Variants in COQ8A observed in about 807,000 individuals in gnomAD.
COQ8A encodes the protein coenzyme Q8A.
Under a neutral mutation model 65.0 loss-of-function variants are expected in COQ8A, and 51 were observed. The observed-to-expected ratio is 0.78, with a 90% CI of 0.63 to 0.99. The LOEUF (loss-of-function observed/expected upper bound fraction) is 0.99, where lower values mean the gene tolerates loss of function less well. Ranked by LOEUF, COQ8A falls within the 50% of genes least tolerant of loss-of-function variation. The pLI is 0.00. For missense variants in COQ8A, 940 were observed against 875.0 expected (o/e 1.07, Z -0.94); for synonymous variants, 371 against 353.2 (o/e 1.05, Z -0.57).
At chr1:226,979,843 C>G (rs759435974) in intron 5 of COQ8A, among the ~76,000 whole-genome samples, 10 of 152,186 alleles carry the variant, frequency 6.6e-5, no homozygotes, top group African/African-American at 2.4e-4. Context: ...CTGACACTCT[C>G]TGGGAAATGA....
At chr1:226,978,253 AC>A (rs764638151) in intron 5 of COQ8A, among the ~76,000 whole-genome samples, 1 of 97,168 alleles carries the variant, frequency 1.0e-5, no homozygotes, top group Non-Finnish European at 2.4e-5. Flanking sequence ...ACCTGCTTAC[AC>A]AGCCTCCGCA....
rs1427117019 is a variant in COQ8A, at chr1:226,977,444, T to C, written c.656-5T>C. The stretch of plus-strand genomic sequence containing the variant: ...CACTGAGTGCCCGCCCCCTCCTCCT[T>C]GCAGGTCTGGCCGTGGGCCTGGGCT... On this transcript the variant is annotated splice_polypyrimidine_tract_variant and splice_region_variant and intron_variant, in intron 4 of 14. Coordinates refer to ENST00000366777, the MANE Select transcript of COQ8A (RefSeq NM_020247.5). 3 of 1,559,296 alleles carry C rather than the reference T, an allele frequency of 1.9e-6. No homozygotes were observed. Among genetic ancestry groups the C allele is most frequent in the South Asian group, 1.2e-5 (1 of 84,738 alleles).
In COQ8A at chr1:226,960,677, T is replaced by G. The variant is rs2148049667; in HGVS notation, c.-9-700T>G. Among the ~76,000 whole-genome samples, 5 of 151,774 alleles carry G rather than the reference T, an allele frequency of 3.3e-5. No individual in the cohort carries two copies. In the Middle Eastern group the frequency reaches 0.017, roughly 516 times the overall value. On this transcript the variant is annotated intron_variant, in intron 1 of 14. Transcript: ENST00000366777. ...GGTGGTGGTGGTGGTTGTTCATTTC[T>G]TTTGAATGGTGGTTAGGATCTTCCA...
chr1:226,948,201 C>A (rs1657162754), intron 1 of COQ8A, among the ~76,000 whole-genome samples: 1 of 152,198 alleles, frequency 6.6e-6, no homozygotes, highest in Admixed American at 6.5e-5. Flanking sequence ...TTTCTGGAGG[C>A]TCAAGGGCAG....
At chr1:226,955,992 T>A (rs1182184354) in intron 1 of COQ8A, among the ~76,000 whole-genome samples, 4 of 115,502 alleles carry the variant, frequency 3.5e-5, no homozygotes, top group Non-Finnish European at 6.9e-5. Flanking sequence ...TGCCACTCCC[T>A]GGTTCACACT....
chr1:226,961,446 G>A lies in COQ8A; in HGVS notation c.61G>A (p.Ala21Thr). 1 of 1,613,826 alleles carries A rather than the reference G, an allele frequency of 6.2e-7. No homozygotes were observed. Among genetic ancestry groups the A allele is most frequent in the Non-Finnish European group, 8.5e-7 (1 of 1,180,038 alleles). The change falls in exon 2 of 15, where the codon GCG becomes ACG. Residue 21 changes from alanine (A) to threonine (T), a missense_variant. Ala to Thr is a moderately conservative substitution (Grantham distance 58). Transcript: ENST00000366777. ...VAKGLVKLTQ[A>T]AVETHLQHLG... ...TAAAGGCCTTGTCAAGCTGACCCAG[G>A]CGGCCGTGGAAACCCACCTGCAGCA... is the stretch of plus-strand genomic sequence containing the variant.
At chr1:226,971,412 CGTGGTGGTGG>C (rs1270915296) in intron 4 of COQ8A, among the ~76,000 whole-genome samples, 1 of 151,760 alleles carries the variant, frequency 6.6e-6, no homozygotes, top group Non-Finnish European at 1.5e-5. Context: ...GTTAGCTGGG[CGTGGTGGTGG>C]GTACCTGTAA....
At chr1:226,941,792 G>A (rs914883563) in intron 1 of COQ8A, among the ~76,000 whole-genome samples, 1 of 150,152 alleles carries the variant, frequency 6.7e-6, no homozygotes, top group South Asian at 2.1e-4. Flanking sequence ...AAAAAAAAAG[G>A]CTCAGGCAAT....
chr1:226,977,313 T>TC, intron 4 of COQ8A, 136 bp from the exon 5 acceptor site: 1 of 752,382 alleles, frequency 1.3e-6, no homozygotes, highest in African/African-American at 1.7e-5. Flanking sequence ...TCCCCACTTT[T>TC]CAAAATGCTG....
intron 12 of COQ8A, 90 bp downstream of exon 12, chr1:226,984,745 A>T (rs905637445): frequency 1.6e-5 from 24 of 1,511,338 alleles, no homozygotes; most frequent in Non-Finnish European, 2.2e-5. Flanking sequence ...TTGTCCTGGG[A>T]AAGTCAGCAG....
intron 5 of COQ8A, among the ~76,000 whole-genome samples, chr1:226,981,774 G>A (rs1659706648): frequency 6.6e-6 from 1 of 152,252 alleles, no homozygotes; most frequent in African/African-American, 2.4e-5. Flanking sequence ...CCCTTTGTGT[G>A]TGTGCGTTTG....
In COQ8A at chr1:226,971,185, C is replaced by G. The variant is rs530587525; in HGVS notation, c.655+5448C>G. The stretch of plus-strand genomic sequence containing the variant: ...CGAACTCCTGACCTCAGGTGATCCA[C>G]CCACCTCTGCCTCCCAAAGTGCTGG... On this transcript the variant is annotated intron_variant, in intron 4 of 14. Transcript: ENST00000366777. 5.4e-3 allele frequency among the ~76,000 whole-genome samples: 821 copies of G among 152,146 alleles called. 12 individuals are homozygous for G. The highest frequency in any genetic ancestry group is 0.019 in the African/African-American group (780 of 41,554).
intron 4 of COQ8A, among the ~76,000 whole-genome samples, chr1:226,976,423 C>T (rs926317061): frequency 2.0e-5 from 3 of 146,954 alleles, no homozygotes; most frequent in Non-Finnish European, 4.5e-5. Context: ...TGCCTGGCTT[C>T]GGGGCTGCGG....
chr1:226,959,924 A>G (rs1658047969), intron 1 of COQ8A, among the ~76,000 whole-genome samples: 1 of 152,254 alleles, frequency 6.6e-6, no homozygotes, highest in Non-Finnish European at 1.5e-5. Context: ...GTGAACTAAG[A>G]AAGCTACCCA....
chr1:226,958,485 G>C (rs2148038634), intron 1 of COQ8A, among the ~76,000 whole-genome samples: 1 of 152,304 alleles, frequency 6.6e-6, no homozygotes, highest in African/African-American at 2.4e-5. Flanking sequence ...GCCCCTAGCT[G>C]TCTCCCTGGT....
intron 2 of COQ8A, among the ~76,000 whole-genome samples, chr1:226,964,001 TCAC>T (rs1419841320): frequency 1.3e-5 from 2 of 152,188 alleles, no homozygotes; most frequent in Admixed American, 6.5e-5. Flanking sequence ...CTGGTGACCT[TCAC>T]CAGCACATCA....
In COQ8A at chr1:226,961,441, C is replaced by G. The variant is rs774521966; in HGVS notation, c.56C>G (p.Thr19Ser). The G allele has an allele frequency of 1.2e-6, 2 of 1,613,692 alleles. No homozygotes were observed. The highest frequency in any genetic ancestry group is 2.2e-5 in the South Asian group (2 of 91,092). ...GTGGCTAAAGGCCTTGTCAAGCTGA[C>G]CCAGGCGGCCGTGGAAACCCACCTG... ...IMVAKGLVKL[T>S]QAAVETHLQH... The change falls in exon 2 of 15, where the codon ACC (threonine) becomes AGC (serine). Residue 19 changes from threonine (T) to serine (S), a missense_variant. Coordinates refer to ENST00000366777, the MANE Select transcript of COQ8A (RefSeq NM_020247.5).
At chr1:226,982,456 G>C in intron 6 of COQ8A, 1 of 653,438 alleles carries the variant, frequency 1.5e-6, no homozygotes, top group Non-Finnish European at 2.6e-6. Flanking sequence ...TGCATGTTGA[G>C]TGTAAAAAGC....
Position 226,983,747 on chromosome 1 carries a change from C to T in COQ8A, c.1163-14C>T. The stretch of plus-strand genomic sequence containing the variant: ...GAGCCCCCTTCCTCGCTGATGCCCT[C>T]CTCCCTGGCCCAGGCCTGTTCCCCG... On this transcript the variant is annotated splice_polypyrimidine_tract_variant and intron_variant, in intron 9 of 14. Transcript: ENST00000366777. 1 of 1,613,116 alleles carries T rather than the reference C, an allele frequency of 6.2e-7. No individual in the cohort carries two copies. Among genetic ancestry groups the T allele is most frequent in the Non-Finnish European group, 8.5e-7 (1 of 1,179,940 alleles).
Sources: allele counts gnomAD v4.1 joint callset (sites outside exome capture counted in the v4.1 genomes callset), GRCh38; gene constraint gnomAD v4.1.1; transcripts MANE v1.5; gene names NCBI Gene and HGNC (gene_info 2026-07-23, HGNC 2026-07-21).